UST: variants seen among roughly 807,000 people sequenced by gnomAD.
UST encodes the protein chondroitin sulfate 2-O-sulfotransferase.
A neutral mutation model predicts 45.6 loss-of-function variants in UST; 21 were observed. That is an observed-to-expected ratio of 0.46 (90% CI 0.33 to 0.66). The LOEUF (loss-of-function observed/expected upper bound fraction) is 0.66, where lower values mean the gene tolerates loss of function less well. UST is among the 30% of genes least tolerant of loss of function. The probability of loss-of-function intolerance (pLI) is 0.02; values close to 1 mark genes in which losing one functional copy is unlikely to be tolerated. For synonymous variants in UST, 215 were observed against 200.6 expected (o/e 1.07, Z -0.61); for missense variants, 463 against 512.4 (o/e 0.90, Z 0.93).
intron 3 of UST, among the ~76,000 whole-genome samples, chr6:148,949,764 G>C (rs966462859): frequency 2.6e-5 from 4 of 152,098 alleles, no homozygotes; most frequent in Non-Finnish European, 4.4e-5. Context: ...GGCTTTCTAG[G>C]GGATAAAGCC....
chr6:148,819,587 T>C (rs1777417343), intron 1 of UST, among the ~76,000 whole-genome samples: 1 of 152,234 alleles, frequency 6.6e-6, no homozygotes, highest in Non-Finnish European at 1.5e-5. Flanking sequence ...GGTGGATAAT[T>C]ACGTATTTTA....
At chr6:149,049,445 C>T (rs926360477) in intron 7 of UST, among the ~76,000 whole-genome samples, 29 of 152,216 alleles carry the variant, frequency 1.9e-4, no homozygotes, top group African/African-American at 6.0e-4. Context: ...TTGAAATGCT[C>T]AGAATGTTGA....
At chr6:148,971,225 AT>A (rs5880821) in intron 5 of UST, among the ~76,000 whole-genome samples, 114,614 of 150,894 alleles carry the variant, frequency 0.76, 43,399 homozygotes, top group African/African-American at 0.79. Flanking sequence ...CCAGTCATAC[AT>A]TTTTTTTTTT....
At chr6:149,008,243 G>A (rs1413641973) in intron 5 of UST, among the ~76,000 whole-genome samples, 1 of 152,170 alleles carries the variant, frequency 6.6e-6, no homozygotes, top group Non-Finnish European at 1.5e-5. Context: ...TTGCATTAAT[G>A]TTTGAGTCAA....
At chr6:148,872,568 A>G (rs1178184393) in intron 1 of UST, among the ~76,000 whole-genome samples, 1 of 152,232 alleles carries the variant, frequency 6.6e-6, no homozygotes, top group Non-Finnish European at 1.5e-5. Context: ...CATTTTCACA[A>G]CTATTAACTT....
rs57552256 is a variant in UST, at chr6:148,993,956, C to CTTTTTTTTTTTTTTTT, written c.682-25170_682-25155dup. Among the ~76,000 whole-genome samples the CTTTTTTTTTTTTTTTT allele has an allele frequency of 4.2e-5, 4 of 95,364 alleles. 1 individual carries two copies. Among genetic ancestry groups the CTTTTTTTTTTTTTTTT allele is most frequent in the African/African-American group, 9.1e-5 (2 of 21,862 alleles). 62.6% of individuals were successfully genotyped at this position (95,364 alleles called of 152,430 possible). Reference sequence around the variant, plus strand: ...TTACCCAGTCTTGAATATTTCTTTCCTTTTTTTTTTTTTTTTTTTTTTTTT... The same window carrying CTTTTTTTTTTTTTTTT: ...TTACCCAGTCTTGAATATTTCTTTCCTTTTTTTTTTTTTTTTTTTTTTTTTTTTTTTTTTTTTTTTT... On this transcript the variant is annotated intron_variant, in intron 5 of 7. Coordinates refer to ENST00000367463, the MANE Select transcript of UST (RefSeq NM_005715.3).
chr6:148,756,836 C>T (rs962103022), intron 1 of UST, among the ~76,000 whole-genome samples: 2 of 152,218 alleles, frequency 1.3e-5, no homozygotes, highest in African/African-American at 4.8e-5. Context: ...ATTTGCTGAG[C>T]AACTGTTCTT....
At chr6:148,799,247 G>A (rs1777009310) in intron 1 of UST, among the ~76,000 whole-genome samples, 3 of 152,168 alleles carry the variant, frequency 2.0e-5, no homozygotes, top group Non-Finnish European at 4.4e-5. Flanking sequence ...GGCATCCCAG[G>A]TTAAGGTAGT....
chr6:148,972,768 A>G (rs1780944261), intron 5 of UST, among the ~76,000 whole-genome samples: 1 of 152,228 alleles, frequency 6.6e-6, no homozygotes, highest in Non-Finnish European at 1.5e-5. Context: ...ACATTTATTA[A>G]GGCGGTGGTT....
At chr6:149,023,427 G>T (rs1045254280) in intron 7 of UST, among the ~76,000 whole-genome samples, 2 of 152,144 alleles carry the variant, frequency 1.3e-5, no homozygotes, top group Non-Finnish European at 2.9e-5. Flanking sequence ...TCAGATAACT[G>T]CAGCCCCAAC....
In UST at chr6:149,061,658, C is replaced by T. The variant is rs1456830849; in HGVS notation, c.938-12175C>T. 2.0e-5 allele frequency among the ~76,000 whole-genome samples: 3 copies of T among 152,312 alleles called. No individual in the cohort carries two copies. The East Asian group carries it at 5.8e-4, about 29-fold the overall frequency. ...GCAGATGGGTGTGCCTGGTGCCGGG[C>T]AGAGATGTGTTTCCAAGGTCCCAGT... On this transcript the variant is annotated intron_variant, in intron 7 of 7. Transcript: ENST00000367463.
intron 2 of UST, among the ~76,000 whole-genome samples, chr6:148,894,418 C>T (rs751849449): frequency 6.6e-6 from 1 of 152,096 alleles, no homozygotes; most frequent in South Asian, 2.1e-4. Context: ...GAGATAGAGA[C>T]CCACAGGAGA....
intron 2 of UST, among the ~76,000 whole-genome samples, chr6:148,893,685 C>G (rs1366117040): frequency 1.3e-5 from 2 of 152,184 alleles, no homozygotes; most frequent in Non-Finnish European, 2.9e-5. Flanking sequence ...GGAGTTTAGT[C>G]CAGTCAAAGG....
At chr6:148,900,476 G>A (rs1355263300) in intron 2 of UST, among the ~76,000 whole-genome samples, 2 of 152,128 alleles carry the variant, frequency 1.3e-5, no homozygotes, top group Non-Finnish European at 2.9e-5. Context: ...TTATCAAGGG[G>A]CGTTTCCCTG....
chr6:148,941,257 G>C, intron 2 of UST, 22 bp from the exon 3 acceptor site: 1 of 1,612,658 alleles, frequency 6.2e-7, no homozygotes, highest in Non-Finnish European at 8.5e-7. Flanking sequence ...TTTCATGTTT[G>C]TTCTCTTGGT....
intron 5 of UST, among the ~76,000 whole-genome samples, chr6:148,993,303 G>A (rs543979148): frequency 1.8e-4 from 28 of 152,004 alleles, no homozygotes; most frequent in Non-Finnish European, 3.1e-4. Context: ...AAGATCTTGG[G>A]CACCATCTGC....
intron 7 of UST, among the ~76,000 whole-genome samples, chr6:149,045,170 G>GGCTTTC (rs1385696726): frequency 8.0e-6 from 1 of 125,716 alleles, no homozygotes; most frequent in East Asian, 1.9e-4. Context: ...TGTGTGGACA[G>GGCTTTC]GCTTTCTGGC....
rs1001864869 is a variant in UST, at chr6:148,884,701, G to T, written c.248-2285G>T. Among the ~76,000 whole-genome samples the T allele has an allele frequency of 3.3e-5, 5 of 152,170 alleles. No homozygotes were observed. The East Asian group carries it at 9.6e-4, about 29-fold the overall frequency. ...AGCAGAGGGCTACCATGATCTAGTAGATAAGGCTGAACGATCTCTCTGGTT... is the reference window on the plus strand; with the variant it reads ...AGCAGAGGGCTACCATGATCTAGTATATAAGGCTGAACGATCTCTCTGGTT... On this transcript the variant is annotated intron_variant, in intron 1 of 7. Coordinates refer to ENST00000367463, the MANE Select transcript of UST (RefSeq NM_005715.3).
At chr6:148,842,347 G>A (rs1221225665) in intron 1 of UST, among the ~76,000 whole-genome samples, 20 of 152,166 alleles carry the variant, frequency 1.3e-4, no homozygotes, top group Admixed American at 1.3e-3. Context: ...GAGTCAGATG[G>A]TCATATGCAC....
Sources: allele counts gnomAD v4.1 joint callset (sites outside exome capture counted in the v4.1 genomes callset), GRCh38; gene constraint gnomAD v4.1.1; transcripts MANE v1.5; gene names NCBI Gene and HGNC (gene_info 2026-07-23, HGNC 2026-07-21).